The following SGSM1 variants were observed in gnomAD, a reference collection of about 807,000 sequenced individuals.
SGSM1 encodes the protein small G protein signaling modulator 1.
A neutral mutation model predicts 133.8 loss-of-function variants in SGSM1; 73 were observed. The observed-to-expected ratio is 0.55, with a 90% confidence interval of 0.45 to 0.66. SGSM1 has a LOEUF of 0.66. SGSM1 is among the 30% of genes least tolerant of loss of function. The probability of loss-of-function intolerance (pLI) is 0.00; values close to 1 mark genes in which losing one functional copy is unlikely to be tolerated. For synonymous variants in SGSM1, 563 were observed against 573.0 expected, an observed-to-expected ratio of 0.98 and a Z score of 0.25; for missense variants, 1,213 against 1,448.1, an observed-to-expected ratio of 0.84 and a Z score of 2.64.
In SGSM1 at chr22:24,894,692, G is replaced by A. The variant is rs141071072; in HGVS notation, c.1954-531G>A. 8.0e-4 allele frequency among the ~76,000 whole-genome samples: 122 copies of A among 152,288 alleles called. No individual in the cohort carries two copies. In the East Asian group the frequency reaches 0.018, roughly 23 times the overall value. Reference sequence around the variant, plus strand: ...CACTGCCCAGCAAGTTAACCTGGACGTGCTCTCACGGTGAAAGCAGATGCC... The same window carrying A: ...CACTGCCCAGCAAGTTAACCTGGACATGCTCTCACGGTGAAAGCAGATGCC... On this transcript the variant is annotated intron_variant, in intron 17 of 24. Coordinates refer to ENST00000400358, the MANE Select transcript of SGSM1 (RefSeq NM_001098497.3).
At chr22:24,839,176 C>T (rs9612786) in intron 2 of SGSM1, among the ~76,000 whole-genome samples, 28,918 of 152,136 alleles carry the variant, frequency 0.19, 2,904 homozygotes, top group Non-Finnish European at 0.23. Context: ...CCACCTCAGC[C>T]TCTCAAGTAG....
rs572134254 is a variant in SGSM1 at position 24,820,109 on chromosome 22, G to A, written c.63+13625G>A. Among the ~76,000 whole-genome samples the A allele has an allele frequency of 4.6e-5, 7 of 152,270 alleles. No individual in the cohort carries two copies. In the East Asian group the frequency reaches 1.4e-3, roughly 29 times the overall value. ...TGGGCTGGGAATGGAAAACGTGCAG[G>A]CTGGCTTCTCTGGGGATAGAAGGAG... On this transcript the variant is annotated intron_variant, in intron 2 of 24. Transcript: ENST00000400358.
intron 2 of SGSM1, among the ~76,000 whole-genome samples, chr22:24,839,960 T>C (rs1016045794): frequency 7.2e-6 from 1 of 139,390 alleles, no homozygotes; most frequent in African/African-American, 2.7e-5. Context: ...TTTGAGATGA[T>C]ATCTTGCTCT....
chr22:24,823,445 C>T (rs1041883405), intron 2 of SGSM1, among the ~76,000 whole-genome samples: 3 of 151,380 alleles, frequency 2.0e-5, no homozygotes, highest in Non-Finnish European at 4.4e-5. Flanking sequence ...AATAAAAATA[C>T]AAAAAATTAG....
chr22:24,818,548 G>T (rs1014965889), intron 2 of SGSM1, among the ~76,000 whole-genome samples: 1 of 151,538 alleles, frequency 6.6e-6, no homozygotes. Flanking sequence ...TTGTATTTTT[G>T]TAGAGATGGG....
chr22:24,870,048 T>A (rs562158415), intron 12 of SGSM1, among the ~76,000 whole-genome samples: 1 of 152,374 alleles, frequency 6.6e-6, no homozygotes, highest in African/African-American at 2.4e-5. Context: ...TGAGCCTCCC[T>A]TTGCTGAAGC....
chr22:24,822,771 A>G (rs995719845), intron 2 of SGSM1, among the ~76,000 whole-genome samples: 1 of 152,202 alleles, frequency 6.6e-6, no homozygotes, highest in African/African-American at 2.4e-5. Context: ...TTGCTCTGCC[A>G]CTGGGGTCTC....
intron 2 of SGSM1, chr22:24,844,109 A>G (rs927116579): frequency 6.6e-6 from 1 of 152,060 alleles, no homozygotes; most frequent in Non-Finnish European, 1.5e-5. Context: ...TTGATTGAGC[A>G]TCTGCCCTGT....
At chr22:24,909,550 G>A (rs1156537116) in intron 21 of SGSM1, among the ~76,000 whole-genome samples, 1 of 151,992 alleles carries the variant, frequency 6.6e-6, no homozygotes, top group African/African-American at 2.4e-5. Flanking sequence ...CCACCTCCTG[G>A]GTTCAAGCAA....
chr22:24,889,115 C>T (rs552676225), intron 16 of SGSM1, among the ~76,000 whole-genome samples: 13 of 151,798 alleles, frequency 8.6e-5, no homozygotes, highest in African/African-American at 3.1e-4. Flanking sequence ...GCGCCCGACA[C>T]CACGCCAAGC....
At chr22:24,854,438 G>T (rs547615739) in intron 5 of SGSM1, among the ~76,000 whole-genome samples, 2 of 152,242 alleles carry the variant, frequency 1.3e-5, no homozygotes, top group East Asian at 3.9e-4. Flanking sequence ...TATTATAAAG[G>T]CTCTATCATG....
At chr22:24,824,125 G>T (rs1466802975) in intron 2 of SGSM1, among the ~76,000 whole-genome samples, 1 of 152,178 alleles carries the variant, frequency 6.6e-6, no homozygotes, top group Non-Finnish European at 1.5e-5. Flanking sequence ...CCTGCATGGA[G>T]TGCTGGGTTC....
chr22:24,882,771 T>C (rs1316627231), intron 14 of SGSM1, among the ~76,000 whole-genome samples: 1 of 151,538 alleles, frequency 6.6e-6, no homozygotes, highest in African/African-American at 2.5e-5. Flanking sequence ...TTTGTCTTTC[T>C]GTGCCTCGCG....
chr22:24,856,234 G>T (rs1480035249), intron 8 of SGSM1, among the ~76,000 whole-genome samples: 1 of 152,172 alleles, frequency 6.6e-6, no homozygotes, highest in Non-Finnish European at 1.5e-5. Context: ...AATATTTCTT[G>T]ATGCTTCCTA....
At chr22:24,883,771 A>G (rs192268045) in intron 14 of SGSM1, among the ~76,000 whole-genome samples, 50 of 152,314 alleles carry the variant, frequency 3.3e-4, no homozygotes, top group Non-Finnish European at 5.1e-4. Context: ...AGCCTGGGCA[A>G]GATGGTGAAA....
intron 13 of SGSM1, 106 bp from the exon 14 acceptor site, chr22:24,879,356 G>A (rs751310255): frequency 2.0e-5 from 20 of 1,022,214 alleles, no homozygotes; most frequent in Non-Finnish European, 2.5e-5. Context: ...TCCCTGACTG[G>A]CTGATATTAA....
intron 21 of SGSM1, among the ~76,000 whole-genome samples, chr22:24,907,617 C>T (rs955237070): frequency 2.0e-5 from 3 of 151,544 alleles, no homozygotes; most frequent in Admixed American, 1.3e-4. Context: ...TTAGAATAGC[C>T]AAAACAATTT....
At chr22:24,834,135 A>T (rs562171722) in intron 2 of SGSM1, among the ~76,000 whole-genome samples, 1 of 152,340 alleles carries the variant, frequency 6.6e-6, no homozygotes, top group African/African-American at 2.4e-5. Context: ...CCTCCAAGGA[A>T]CAGGATGTTG....
chr22:24,841,768 G>A (rs532742004), intron 2 of SGSM1, among the ~76,000 whole-genome samples: 1 of 152,266 alleles, frequency 6.6e-6, no homozygotes, highest in Admixed American at 6.5e-5. Context: ...TTTTTTGTTT[G>A]TTTTTTGTTT....
Sources: gnomAD v4.1 joint callset for allele counts (sites outside exome capture counted in the v4.1 genomes callset) on GRCh38, gnomAD v4.1.1 for gene constraint, MANE v1.5 for transcripts, NCBI Gene and HGNC (gene_info 2026-07-23, HGNC 2026-07-21) for gene names.